The following PRRC2A variants were observed in gnomAD, a reference collection of about 807,000 sequenced individuals.
PRRC2A encodes protein PRRC2A.
A neutral mutation model predicts 224.6 loss-of-function variants in PRRC2A; 59 were observed. That is an observed-to-expected ratio of 0.26 (90% CI 0.21 to 0.33). The LOEUF is 0.33. Ranked by LOEUF, PRRC2A falls within the 10% of genes least tolerant of loss-of-function variation. The pLI is 1.00. For missense variants in PRRC2A, 3,095 were observed against 2,880.7 expected, an observed-to-expected ratio of 1.07 and a Z score of -1.70; for synonymous variants, 1,194 against 1,109.5, an observed-to-expected ratio of 1.08 and a Z score of -1.51.
intron 1 of PRRC2A, among the ~76,000 whole-genome samples, chr6:31,621,394 C>T (rs1775271716): frequency 6.6e-6 from 1 of 152,156 alleles, no homozygotes. Context: ...CGCCCTATGT[C>T]TGCTTTTTCA....
chr6:31,634,319 A>C lies in PRRC2A; in HGVS notation c.4803A>C (p.Thr1601=). ...GPGPQAESRD[T]GTEALTPHIW... is the part of the protein sequence containing the mutation. ...GCCCTCAGGCAGAGTCCAGAGATAC[A>C]GGCACAGAGGCCCTGACCCCTCACA... The change falls in exon 19 of 31, where the codon ACA becomes ACC. Residue 1601 remains threonine (T), a synonymous_variant. Coordinates refer to ENST00000376033, the MANE Select transcript of PRRC2A (RefSeq NM_004638.4). The C allele has an allele frequency of 1.2e-6, 2 of 1,612,860 alleles. No individual in the cohort carries two copies. The highest frequency in any genetic ancestry group is 1.7e-6 in the Non-Finnish European group (2 of 1,179,980).
chr6:31,636,675 C>G lies in PRRC2A; in HGVS notation c.5935-58C>G. The G allele has an allele frequency of 1.3e-6, 2 of 1,595,426 alleles. No homozygotes were observed. Among genetic ancestry groups the G allele is most frequent in the East Asian group, 2.2e-5 (1 of 44,646 alleles). On this transcript the variant is annotated intron_variant, in intron 27 of 30. Transcript: ENST00000376033. This position sits in a 1 kb window ranked among gnomAD's most constrained non-coding sequence, Gnocchi z 4.3. ...GTCCAGTTGCTGGCTTTGATTTTCC[C>G]TGGTTTTCTGACATTCCTCCCTGCC...
chr6:31,635,841 A>G, intron 24 of PRRC2A, 92 bp downstream of exon 24: 2 of 1,465,836 alleles, frequency 1.4e-6, no homozygotes, highest in Non-Finnish European at 1.8e-6. Context: ...TCTACGTTGC[A>G]GAGTTGTGAG....
At chr6:31,621,442 G>C (rs1015468522) in intron 1 of PRRC2A, among the ~76,000 whole-genome samples, 7 of 150,064 alleles carry the variant, frequency 4.7e-5, no homozygotes, top group African/African-American at 1.7e-4. Flanking sequence ...CCCCAACCCC[G>C]TTTTTCTTCT....
chr6:31,631,424 C>G lies in PRRC2A; in HGVS notation c.2751C>G (p.Arg917=). ...GSGGQGPPPP[R]RESRTETRWG... is the part of the protein sequence containing the mutation. ...GAGGCCAGGGCCCCCCACCACCACG[C>G]AGAGAGAGTCGCACAGAGACCCGCT... Residue 917 remains arginine (R), a synonymous_variant, in exon 16 of 31, where the codon CGC becomes CGG. Transcript: ENST00000376033. This position sits in a 1 kb window ranked among gnomAD's most constrained non-coding sequence, Gnocchi z 4.5. 1 of 1,610,436 alleles carries G rather than the reference C, an allele frequency of 6.2e-7. No individual in the cohort carries two copies. Among genetic ancestry groups the G allele is most frequent in the Admixed American group, 1.7e-5 (1 of 59,532 alleles).
At chr6:31,629,518 T>C in intron 13 of PRRC2A, 30 bp from the exon 14 acceptor site, 1 of 1,461,076 alleles carries the variant, frequency 6.8e-7, no homozygotes. Context: ...GCTTTGAGCC[T>C]CTCTCATCTT....
At position 31,636,391 on chromosome 6, in the gene PRRC2A, G is replaced by C; in HGVS notation, c.5807G>C (p.Ser1936Thr). Residue 1936 changes from serine to threonine, a missense_variant, in exon 26 of 31, where the codon AGT becomes ACT. Physicochemically the swap from Ser to Thr is moderately conservative, Grantham distance 58 (BLOSUM62 1). This residue lies in a region of PRRC2A where 662 missense variants were observed against 609.5 expected (regional missense o/e 1.09). Transcript: ENST00000376033. The surrounding 1 kb of genome is among the most constrained non-coding windows in gnomAD (Gnocchi z 4.3). ...SFLYSPAFCP[S>T]PLPDTSLLQV... Reference sequence around the variant, plus strand: ...CTCTACTCTCCGGCTTTCTGCCCCAGTCCTTTGCCTGACACATCGTTGCTT... The same window carrying C: ...CTCTACTCTCCGGCTTTCTGCCCCACTCCTTTGCCTGACACATCGTTGCTT... 3.7e-6 allele frequency: 6 copies of C among 1,612,896 alleles called. No homozygotes were observed. Among genetic ancestry groups the C allele is most frequent in the Non-Finnish European group, 5.1e-6 (6 of 1,179,966 alleles).
chr6:31,623,406 T>A (rs1172981761), intron 2 of PRRC2A, among the ~76,000 whole-genome samples: 1 of 151,960 alleles, frequency 6.6e-6, no homozygotes, highest in Non-Finnish European at 1.5e-5. Context: ...TAGCTGGGAT[T>A]ACAGGCATGC....
Position 31,625,975 on chromosome 6 carries a change from G to T in PRRC2A, c.840-45G>T. The T allele has an allele frequency of 6.2e-7, 1 of 1,605,948 alleles. No homozygotes were observed. Among genetic ancestry groups the T allele is most frequent in the Non-Finnish European group, 8.5e-7 (1 of 1,175,740 alleles). ...GCTCAGTCTAGGATCAGTCTCGCAT[G>T]TGGTTATACAACATGCCATATTTCA... On this transcript the variant is annotated intron_variant, in intron 8 of 30. Coordinates refer to ENST00000376033, the MANE Select transcript of PRRC2A (RefSeq NM_004638.4). The surrounding 1 kb of genome is among the most constrained non-coding windows in gnomAD (Gnocchi z 4.1).
chr6:31,623,259 ATTTTTTTTTTTTT>A (rs3993756), intron 2 of PRRC2A: 3 of 321,450 alleles, frequency 9.3e-6, no homozygotes, highest in Non-Finnish European at 1.7e-5. Context: ...GATTTCATAG[ATTTTTTTTTTTTT>A]TTTTTTTTTT....
Position 31,629,819 on chromosome 6 carries a change from T to A in PRRC2A, c.2228T>A (p.Phe743Tyr). 1.2e-6 allele frequency: 2 copies of A among 1,613,824 alleles called. No homozygotes were observed. Among genetic ancestry groups the A allele is most frequent in the Non-Finnish European group, 1.7e-6 (2 of 1,179,796 alleles). ...CTCCAGGGTCGTCCCCCTCTAGACT[T>A]CTACCCTCCTGGTGTGCATCCCTCT... The part of the protein sequence containing the change: ...RLLQGRPPLD[F>Y]YPPGVHPSGL... Residue 743 changes from phenylalanine (F) to tyrosine (Y), a missense_variant, in exon 14 of 31, where the codon TTC becomes TAC. By Grantham distance (22) the Phe-to-Tyr change is conservative (BLOSUM62 3). This residue lies in a region of PRRC2A where 2,001 missense variants were observed against 1,764.9 expected (regional missense o/e 1.13). Coordinates refer to ENST00000376033, the MANE Select transcript of PRRC2A (RefSeq NM_004638.4).
At chr6:31,629,902 G>T (rs935581932) in intron 14 of PRRC2A, 57 bp downstream of exon 14, 1 of 1,597,474 alleles carries the variant, frequency 6.3e-7, no homozygotes, top group African/African-American at 1.3e-5. Flanking sequence ...TTAGGCATTG[G>T]ATATTAGGGT....
chr6:31,633,859 A>G lies in PRRC2A; in HGVS notation c.4589A>G (p.Asp1530Gly). Residue 1530 changes from aspartate (D) to glycine (G), a missense_variant and splice_region_variant, in exon 18 of 31, where the codon GAC becomes GGC. Physicochemically the swap from Asp to Gly is moderately conservative, Grantham distance 94. Transcript: ENST00000376033. ...PQRVNSGLSS[D>G]PHFEEPGPMV... ...TGCTGACCCTTTTTCTCTTTCCCAG[A>G]CCCCCACTTTGAGGAGCCGGGGCCA... is the stretch of plus-strand genomic sequence containing the variant. 6.9e-7 allele frequency: 1 copy of G among 1,456,592 alleles called. No homozygotes were observed. Among genetic ancestry groups the G allele is most frequent in the Non-Finnish European group, 9.1e-7 (1 of 1,101,532 alleles). The allele number at this position is 1,456,592 out of a possible 1,614,324, so 90.2% of individuals were successfully genotyped here. A position where few individuals can be genotyped will look rare whatever the true frequency, so the allele number is the denominator to read the frequency against.
rs1456141319 is a variant in PRRC2A, at chr6:31,624,226, CAG to C, written c.291-34_291-33del. Reference sequence around the variant, plus strand: ...AGTTGGAGAAGTCAGGGAGGCATCTCAGGTGTGAATAACCTTCCCATTCTGTC... The same window carrying C: ...AGTTGGAGAAGTCAGGGAGGCATCTCGTGTGAATAACCTTCCCATTCTGTC... On this transcript the variant is annotated intron_variant, in intron 3 of 30. Coordinates refer to ENST00000376033, the MANE Select transcript of PRRC2A (RefSeq NM_004638.4). 7.6e-6 allele frequency: 12 copies of C among 1,587,934 alleles called. No individual in the cohort carries two copies. In the East Asian group the frequency reaches 2.7e-4, roughly 36 times the overall value.
rs1393090196 is a variant in PRRC2A at position 31,637,601 on chromosome 6, C to T, written c.*15C>T. ...CACCCCGCTGAGGGAGTTCCTCTTG[C>T]CCCCTACCCCCGGGGCTTGTATATA... On this transcript the variant is annotated 3_prime_UTR_variant, in exon 31 of 31. Transcript: ENST00000376033. 6.5e-7 allele frequency: 1 copy of T among 1,527,792 alleles called. No individual in the cohort carries two copies. Among genetic ancestry groups the T allele is most frequent in the South Asian group, 1.3e-5 (1 of 79,582 alleles). The allele number at this position is 1,527,792 out of a possible 1,614,324, so 94.6% of individuals were successfully genotyped here.
In PRRC2A at chr6:31,630,802, G is replaced by A; in HGVS notation, c.2465+1G>A. On this transcript the variant is annotated splice_donor_variant, in intron 15 of 30. Transcript: ENST00000376033. LOFTEE classifies it high-confidence loss of function. Reference sequence around the variant, plus strand: ...CGGATGAGGATGACAAGGGGATGAGGTGAGTCTTGGTCATGAGAAATGGGT... The same window carrying A: ...CGGATGAGGATGACAAGGGGATGAGATGAGTCTTGGTCATGAGAAATGGGT... The A allele has an allele frequency of 6.2e-7, 1 of 1,613,856 alleles. No individual in the cohort carries two copies. The highest frequency in any genetic ancestry group is 1.1e-5 in the South Asian group (1 of 91,014).
Position 31,625,709 on chromosome 6 carries a change from G to A in PRRC2A, c.760-83G>A. 1 of 1,579,078 alleles carries A rather than the reference G, an allele frequency of 6.3e-7. No individual in the cohort carries two copies. Among genetic ancestry groups the A allele is most frequent in the Non-Finnish European group, 8.7e-7 (1 of 1,148,292 alleles). ...GACCTATGAGATAGAAGGGAGGGTGGGAGGATGATTGATAGCAGGCTTAAG... is the reference window on the plus strand; with the variant it reads ...GACCTATGAGATAGAAGGGAGGGTGAGAGGATGATTGATAGCAGGCTTAAG... On this transcript the variant is annotated intron_variant, in intron 7 of 30. Coordinates refer to ENST00000376033, the MANE Select transcript of PRRC2A (RefSeq NM_004638.4). The surrounding 1 kb of genome is among the most constrained non-coding windows in gnomAD (Gnocchi z 4.1).
chr6:31,625,529 A>T lies in PRRC2A; in HGVS notation c.677A>T (p.His226Leu). Residue 226 changes from histidine to leucine, a missense_variant, in exon 7 of 31, where the codon CAT becomes CTT. Physicochemically the swap from His to Leu is moderately conservative, Grantham distance 99 (BLOSUM62 -3). Coordinates refer to ENST00000376033, the MANE Select transcript of PRRC2A (RefSeq NM_004638.4). The surrounding 1 kb of genome is among the most constrained non-coding windows in gnomAD (Gnocchi z 4.1). Reference sequence around the variant, plus strand: ...CTGGAGGGCCCGGACTCCAAACTTCATCATGGTCATGATCCCCGGGGTGGG... The same window carrying T: ...CTGGAGGGCCCGGACTCCAAACTTCTTCATGGTCATGATCCCCGGGGTGGG... ...DELEGPDSKL[H>L]HGHDPRGGLQ... The T allele has an allele frequency of 6.3e-7, 1 of 1,579,784 alleles. No homozygotes were observed. Among genetic ancestry groups the T allele is most frequent in the Non-Finnish European group, 8.6e-7 (1 of 1,159,446 alleles).
chr6:31,637,144 G>A lies in PRRC2A; in HGVS notation c.6242+8G>A, dbSNP rs555318240. The A allele has an allele frequency of 1.6e-5, 25 of 1,609,694 alleles. No homozygotes were observed. The East Asian group carries it at 1.6e-4, about 10-fold the overall frequency. On this transcript the variant is annotated splice_region_variant and intron_variant, in intron 29 of 30. Transcript: ENST00000376033. Reference sequence around the variant, plus strand: ...GACTCCCCCAACTGGAAGGTGAAACGGAATAGGGATGTGGACTTTCCAAGT... The same window carrying A: ...GACTCCCCCAACTGGAAGGTGAAACAGAATAGGGATGTGGACTTTCCAAGT...
Sources: gnomAD v4.1 joint callset for allele counts (sites outside exome capture counted in the v4.1 genomes callset) on GRCh38, gnomAD v4.1.1 for gene constraint, gnomAD v4.1.1 regional missense constraint, Gnocchi (gnomAD v3.1) non-coding constraint, MANE v1.5 for transcripts, NCBI Gene and HGNC (gene_info 2026-07-23, HGNC 2026-07-21) for gene names.